The following BASP1 variants were observed in gnomAD, a reference collection of about 807,000 sequenced individuals.
BASP1 encodes the protein brain acid soluble protein 1.
BASP1 carries 1 observed loss-of-function variant against 2.2 expected under a neutral mutation model. That is an observed-to-expected ratio of 0.46 (90% CI 0.16 to 2.17). The LOEUF (loss-of-function observed/expected upper bound fraction) is 2.17. BASP1 is among the 30% of genes most tolerant of loss of function. The probability of loss-of-function intolerance (pLI) is 0.27; values close to 1 mark genes in which losing one functional copy is unlikely to be tolerated. For synonymous variants in BASP1, 187 were observed against 154.2 expected, an observed-to-expected ratio of 1.21 and a Z score of -1.58; for missense variants, 352 against 327.2, an observed-to-expected ratio of 1.08 and a Z score of -0.58.
intron 1 of BASP1, among the ~76,000 whole-genome samples, chr5:17,246,053 G>A (rs940129015): frequency 6.6e-6 from 1 of 152,178 alleles, no homozygotes; most frequent in Non-Finnish European, 1.5e-5. Context: ...ATAATTATTG[G>A]AGAAGGTTTC....
At chr5:17,262,152 T>C (rs1740327074) in intron 1 of BASP1, among the ~76,000 whole-genome samples, 1 of 152,182 alleles carries the variant, frequency 6.6e-6, no homozygotes, top group Non-Finnish European at 1.5e-5. Flanking sequence ...TTTTCCCTAT[T>C]AGGCAACCTT....
At chr5:17,261,620 C>A (rs10054788) in intron 1 of BASP1, among the ~76,000 whole-genome samples, 97 of 152,036 alleles carry the variant, frequency 6.4e-4, no homozygotes, top group African/African-American at 2.2e-3. Context: ...TTCTCTCCCC[C>A]CCACCGTCTG....
At chr5:17,246,877 T>C (rs1166206066) in intron 1 of BASP1, among the ~76,000 whole-genome samples, 2 of 152,190 alleles carry the variant, frequency 1.3e-5, no homozygotes, top group East Asian at 1.9e-4. Flanking sequence ...TTCCATCAGT[T>C]ACCTTGTATC....
At chr5:17,221,655 A>T (rs1234601536) in intron 1 of BASP1, among the ~76,000 whole-genome samples, 1 of 152,108 alleles carries the variant, frequency 6.6e-6, no homozygotes, top group Non-Finnish European at 1.5e-5. Context: ...GTTATATCAA[A>T]TTTTCTCTAA....
chr5:17,267,150 A>C (rs73756108), intron 1 of BASP1, among the ~76,000 whole-genome samples: 1,715 of 152,348 alleles, frequency 0.011, 33 homozygotes, highest in African/African-American at 0.039. Flanking sequence ...CATAAAAGGA[A>C]AAGATGGTTT....
intron 1 of BASP1, among the ~76,000 whole-genome samples, chr5:17,218,609 G>T (rs1739319398): frequency 1.3e-5 from 2 of 152,084 alleles, no homozygotes; most frequent in East Asian, 2.0e-4. Context: ...CCCGGGCCCG[G>T]GGGGTGTGGG....
intron 1 of BASP1, among the ~76,000 whole-genome samples, chr5:17,234,736 A>T (rs1739708267): frequency 6.6e-6 from 1 of 152,174 alleles, no homozygotes; most frequent in Admixed American, 6.5e-5. Context: ...AGCGAAGCAA[A>T]TGTTGGTCCG....
At position 17,275,090 on chromosome 5, in the gene BASP1, C is replaced by G. The variant is rs1358896818; in HGVS notation, c.-9-118C>G. ...CCTAACTATAGTTTACCATGCCACCCCTTTGGGGTGTGCAGTGCAGCAGGC... is the reference window on the plus strand; with the variant it reads ...CCTAACTATAGTTTACCATGCCACCGCTTTGGGGTGTGCAGTGCAGCAGGC... On this transcript the variant is annotated intron_variant, in intron 1 of 1. Coordinates refer to ENST00000322611, the MANE Select transcript of BASP1 (RefSeq NM_006317.5). This position sits in a 1 kb window ranked among gnomAD's most constrained non-coding sequence, Gnocchi z 5.3. 2 of 838,676 alleles carry G rather than the reference C, an allele frequency of 2.4e-6. No individual in the cohort carries two copies. Among genetic ancestry groups the G allele is most frequent in the Non-Finnish European group, 3.8e-6 (2 of 526,990 alleles). 52.0% of individuals were successfully genotyped at this position (838,676 alleles called of 1,614,324 possible). A position where few individuals can be genotyped will look rare whatever the true frequency, so the allele number is the denominator to read the frequency against.
At chr5:17,265,282 C>A (rs989104645) in intron 1 of BASP1, among the ~76,000 whole-genome samples, 1 of 152,102 alleles carries the variant, frequency 6.6e-6, no homozygotes, top group Admixed American at 6.6e-5. Flanking sequence ...GGGGGGCTTG[C>A]CATTTTTCAT....
intron 1 of BASP1, among the ~76,000 whole-genome samples, chr5:17,243,449 C>G (rs751950896): frequency 1.3e-5 from 2 of 152,128 alleles, no homozygotes; most frequent in African/African-American, 4.8e-5. Context: ...CCACCACGCC[C>G]GGCTCCCTCC....
At chr5:17,224,503 C>G (rs1342000657) in intron 1 of BASP1, among the ~76,000 whole-genome samples, 2 of 152,092 alleles carry the variant, frequency 1.3e-5, no homozygotes, top group African/African-American at 4.8e-5. Flanking sequence ...GTAGCCTTTT[C>G]ACATATTGAC....
Position 17,275,707 on chromosome 5 carries a change from G to C in BASP1, c.491G>C (p.Ser164Thr). 6.2e-7 allele frequency: 1 copy of C among 1,605,422 alleles called. No individual in the cohort carries two copies. The highest frequency in any genetic ancestry group is 8.5e-7 in the Non-Finnish European group (1 of 1,176,406). The change falls in exon 2 of 2, where the codon AGT becomes ACT. Residue 164 changes from serine to threonine, a missense_variant. By Grantham distance (58) the Ser-to-Thr change is moderately conservative. Coordinates refer to ENST00000322611, the MANE Select transcript of BASP1 (RefSeq NM_006317.5). This position sits in a 1 kb window ranked among gnomAD's most constrained non-coding sequence, Gnocchi z 5.3. ...GCTCCTGCCGCCCAGGAGACCAAAAGTGACGGGGCCCCAGCTTCAGACTCA... is the reference window on the plus strand; with the variant it reads ...GCTCCTGCCGCCCAGGAGACCAAAACTGACGGGGCCCCAGCTTCAGACTCA... The part of the protein sequence containing the change: ...PAAPAAQETK[S>T]DGAPASDSKP...
chr5:17,229,958 T>C (rs1443114016), intron 1 of BASP1, among the ~76,000 whole-genome samples: 1 of 151,942 alleles, frequency 6.6e-6, no homozygotes, highest in African/African-American at 2.4e-5. Flanking sequence ...AATTTTTTTG[T>C]ATTTTTAGTA....
chr5:17,222,860 T>A (rs2126486899), intron 1 of BASP1, among the ~76,000 whole-genome samples: 1 of 152,246 alleles, frequency 6.6e-6, no homozygotes, highest in Non-Finnish European at 1.5e-5. Context: ...AGGAATACAT[T>A]CCTGAAAGCT....
intron 1 of BASP1, among the ~76,000 whole-genome samples, chr5:17,258,661 C>G (rs1740258473): frequency 6.6e-6 from 1 of 152,070 alleles, no homozygotes; most frequent in African/African-American, 2.4e-5. Flanking sequence ...GTATTGAATT[C>G]TAGTTTGTGT....
intron 1 of BASP1, among the ~76,000 whole-genome samples, chr5:17,259,981 A>C (rs1251032726): frequency 8.5e-5 from 13 of 152,254 alleles, no homozygotes; most frequent in Admixed American, 8.5e-4. Context: ...GAAATGGTAC[A>C]GAAATGATCT....
At chr5:17,237,419 G>A (rs1397919124) in intron 1 of BASP1, among the ~76,000 whole-genome samples, 2 of 152,172 alleles carry the variant, frequency 1.3e-5, no homozygotes, top group African/African-American at 2.4e-5. Flanking sequence ...CTCTCACTGA[G>A]CTCACCCAGA....
chr5:17,226,590 A>T (rs1404019292), intron 1 of BASP1, among the ~76,000 whole-genome samples: 3 of 152,216 alleles, frequency 2.0e-5, no homozygotes, highest in Admixed American at 6.5e-5. Context: ...TCTTCATAGG[A>T]TGGTCTCCTG....
At chr5:17,229,348 T>C (rs965455431) in intron 1 of BASP1, among the ~76,000 whole-genome samples, 11 of 152,200 alleles carry the variant, frequency 7.2e-5, no homozygotes, top group Admixed American at 1.3e-4. Flanking sequence ...ATGGCTGTAC[T>C]TGGGGACGTT....
Sources: allele counts gnomAD v4.1 joint callset (sites outside exome capture counted in the v4.1 genomes callset), GRCh38; gene constraint gnomAD v4.1.1; non-coding constraint Gnocchi (gnomAD v3.1); transcripts MANE v1.5; gene names NCBI Gene and HGNC (gene_info 2026-07-23, HGNC 2026-07-21).